COQ9: variants seen among roughly 807,000 people sequenced by gnomAD.
The protein encoded by COQ9 is ubiquinone biosynthesis protein COQ9, mitochondrial.
COQ9 carries 35 observed loss-of-function variants against 42.4 expected under a neutral mutation model. That is an observed-to-expected ratio of 0.83 (90% CI 0.63 to 1.10). The LOEUF is 1.10. Ranked by LOEUF, COQ9 falls within the 50% of genes least tolerant of loss-of-function variation. The probability of loss-of-function intolerance (pLI) is 0.00; values close to 1 mark genes in which losing one functional copy is unlikely to be tolerated. For synonymous variants in COQ9, 155 were observed against 155.1 expected, an observed-to-expected ratio of 1.00 and a Z score of 0.00; for missense variants, 406 against 414.6, an observed-to-expected ratio of 0.98 and a Z score of 0.18.
chr16:57,458,592 T>C (rs1479907281), intron 6 of COQ9, among the ~76,000 whole-genome samples: 1 of 152,236 alleles, frequency 6.6e-6, no homozygotes, highest in Non-Finnish European at 1.5e-5. Context: ...TGACACCAGG[T>C]GTCAGAGATC....
chr16:57,456,485 T>C lies in COQ9; in HGVS notation c.379-19T>C, dbSNP rs1567579877. On this transcript the variant is annotated intron_variant, in intron 3 of 8. Coordinates refer to ENST00000262507, the MANE Select transcript of COQ9 (RefSeq NM_020312.4). ...ACACTTGGGCACCGCTTTTCTGTTT[T>C]CTGTCTCCCCTTTTGTAGTCTCTGG... is the stretch of plus-strand genomic sequence containing the variant. The C allele has an allele frequency of 6.2e-7, 1 of 1,614,126 alleles. No individual in the cohort carries two copies. Among genetic ancestry groups the C allele is most frequent in the Non-Finnish European group, 8.5e-7 (1 of 1,180,002 alleles).
At chr16:57,455,845 A>C (rs1298716074) in intron 3 of COQ9, among the ~76,000 whole-genome samples, 1 of 152,124 alleles carries the variant, frequency 6.6e-6, no homozygotes, top group Non-Finnish European at 1.5e-5. Context: ...GGGGAGGCTG[A>C]GGCGGGAGGA....
chr16:57,451,668 A>G (rs879218050), intron 2 of COQ9, among the ~76,000 whole-genome samples: 3 of 152,252 alleles, frequency 2.0e-5, no homozygotes, highest in African/African-American at 4.8e-5. Context: ...ATTTTTGTAT[A>G]GAATAGATAT....
rs563471607 is a variant in COQ9, at chr16:57,450,875, A to C, written c.74-165A>C. 49 of 788,426 alleles carry C rather than the reference A, an allele frequency of 6.2e-5. No homozygotes were observed. The South Asian group carries it at 6.9e-4, about 11-fold the overall frequency. The allele number at this position is 788,426 out of a possible 1,614,324, so 48.8% of individuals were successfully genotyped here. ...CACTTTTGCTACCACTTCGTGTCCCAAAGTTCCCAGTTTACCCAATATTTT... is the reference window on the plus strand; with the variant it reads ...CACTTTTGCTACCACTTCGTGTCCCCAAGTTCCCAGTTTACCCAATATTTT... On this transcript the variant is annotated intron_variant, in intron 1 of 8. Transcript: ENST00000262507.
intron 5 of COQ9, 88 bp from the exon 6 acceptor site, chr16:57,458,158 C>G: frequency 1.0e-6 from 1 of 987,132 alleles, no homozygotes; most frequent in Non-Finnish European, 1.6e-6. Flanking sequence ...GGCAGGCCCC[C>G]TCATACACCT....
rs1251223596 is a variant in COQ9 at position 57,461,052 on chromosome 16, A to G, written c.*428A>G. 4.8e-6 allele frequency: 2 copies of G among 416,606 alleles called. No individual in the cohort carries two copies. Among genetic ancestry groups the G allele is most frequent in the African/African-American group, 4.1e-5 (2 of 48,834 alleles). The allele number at this position is 416,606 out of a possible 1,614,324, so 25.8% of individuals were successfully genotyped here. ...TGACAGCTCATCTCCAGCACAGCAC[A>G]GGCGTGTGCACACAGAGGTGTTCCT... On this transcript the variant is annotated 3_prime_UTR_variant, in exon 9 of 9. Transcript: ENST00000262507.
chr16:57,448,344 C>CTT (rs56261757), intron 1 of COQ9, among the ~76,000 whole-genome samples: 2,160 of 141,226 alleles, frequency 0.015, 22 homozygotes, highest in Non-Finnish European at 0.024. Flanking sequence ...TCTTTTTTTT[C>CTT]TTTTTTTTTT....
At chr16:57,458,105 C>CA (rs576795613) in intron 5 of COQ9, 141 bp from the exon 6 acceptor site, 13 of 705,046 alleles carry the variant, frequency 1.8e-5, no homozygotes, top group Non-Finnish European at 2.8e-5. Context: ...GCCCACAACT[C>CA]ACGCCAGTGG....
intron 3 of COQ9, 21 bp from the exon 4 acceptor site, chr16:57,456,483 T>C (rs1192775979): frequency 6.2e-7 from 1 of 1,614,068 alleles, no homozygotes; most frequent in East Asian, 2.2e-5. Context: ...GCTTTTCTGT[T>C]TTCTGTCTCC....
intron 5 of COQ9, chr16:57,457,523 T>C: frequency 3.9e-6 from 1 of 257,508 alleles, no homozygotes; most frequent in South Asian, 4.6e-5. Context: ...TATGGGCCAT[T>C]CTCTGAGTGA....
chr16:57,451,829 T>C (rs1171558982), intron 2 of COQ9, among the ~76,000 whole-genome samples: 1 of 152,258 alleles, frequency 6.6e-6, no homozygotes, highest in Non-Finnish European at 1.5e-5. Flanking sequence ...GATGGATATT[T>C]AGATTTCCTT....
intron 6 of COQ9, 140 bp from the exon 7 acceptor site, chr16:57,459,425 G>A: frequency 4.9e-6 from 4 of 809,220 alleles, no homozygotes; most frequent in Non-Finnish European, 8.3e-6. Flanking sequence ...AGTTTGAGAT[G>A]GTAGTGTTGT....
intron 1 of COQ9, 106 bp downstream of exon 1, chr16:57,447,684 C>A: frequency 1.0e-6 from 1 of 998,538 alleles, no homozygotes; most frequent in Non-Finnish European, 1.3e-6. Context: ...GGGCGGCCCA[C>A]GAGCAAGGTG....
At chr16:57,455,849 G>A (rs1181291520) in intron 3 of COQ9, among the ~76,000 whole-genome samples, 1 of 152,046 alleles carries the variant, frequency 6.6e-6, no homozygotes, top group Non-Finnish European at 1.5e-5. Context: ...AGGCTGAGGC[G>A]GGAGGATTGC....
intron 5 of COQ9, among the ~76,000 whole-genome samples, chr16:57,457,826 A>C (rs755287540): frequency 6.6e-6 from 1 of 151,896 alleles, no homozygotes; most frequent in Non-Finnish European, 1.5e-5. Context: ...CTCTCTGATC[A>C]CCTCCCCAGT....
At chr16:57,451,339 A>AT in intron 2 of COQ9, 131 bp downstream of exon 2, 2 of 1,066,584 alleles carry the variant, frequency 1.9e-6, no homozygotes, top group Admixed American at 1.9e-5. Flanking sequence ...GTTTTTTAGA[A>AT]TTTTTTATTT....
In COQ9 at chr16:57,456,964, A is replaced by G; in HGVS notation, c.555A>G (p.Ala185=). The change falls in exon 5 of 9, where the codon GCA becomes GCG. Residue 185 remains alanine, a synonymous_variant. Transcript: ENST00000262507. The part of the protein sequence containing the change: ...KRKTDQFLRD[A]VETRLRMLIP... ...AGACAGACCAGTTCCTGAGGGATGC[A>G]GTGGAAACCAGACTGAGAATGCTGA... 6.2e-7 allele frequency: 1 copy of G among 1,614,164 alleles called. No individual in the cohort carries two copies. The highest frequency in any genetic ancestry group is 1.3e-5 in the African/African-American group (1 of 75,050).
chr16:57,452,179 G>A (rs1404791230), intron 2 of COQ9, among the ~76,000 whole-genome samples: 9 of 152,204 alleles, frequency 5.9e-5, no homozygotes, highest in Admixed American at 5.9e-4. Context: ...GAGGTAGTCT[G>A]GTGTAAGTTT....
chr16:57,456,471 C>G (rs1598038714), intron 3 of COQ9, 33 bp from the exon 4 acceptor site: 4 of 1,613,600 alleles, frequency 2.5e-6, no homozygotes, highest in Non-Finnish European at 8.5e-7. Context: ...CACTTGGGCA[C>G]CGCTTTTCTG....
Sources: gnomAD v4.1 joint callset for allele counts (sites outside exome capture counted in the v4.1 genomes callset) on GRCh38, gnomAD v4.1.1 for gene constraint, MANE v1.5 for transcripts, NCBI Gene and HGNC (gene_info 2026-07-23, HGNC 2026-07-21) for gene names.